The following CDH12 variants were observed in gnomAD, a reference collection of about 807,000 sequenced individuals.
CDH12 encodes the protein cadherin-12.
CDH12 carries 41 observed loss-of-function variants against 74.1 expected under a neutral mutation model. The ratio of observed to expected loss-of-function variants is 0.55; its 90% CI spans 0.43 to 0.72. CDH12 has a LOEUF of 0.72. CDH12 is among the 30% of genes least tolerant of loss of function. The pLI is 0.00. For missense variants in CDH12, 945 were observed against 977.2 expected (o/e 0.97, Z 0.44); for synonymous variants, 399 against 355.0 (o/e 1.12, Z -1.39).
At chr5:22,547,141 TA>T (rs1738368479) in intron 1 of CDH12, among the ~76,000 whole-genome samples, 1 of 152,248 alleles carries the variant, frequency 6.6e-6, no homozygotes, top group East Asian at 1.9e-4. Flanking sequence ...CTGTTGTAAT[TA>T]AAAATTTAAA....
At chr5:22,739,946 G>A (rs1167344886) in intron 1 of CDH12, among the ~76,000 whole-genome samples, 1 of 151,964 alleles carries the variant, frequency 6.6e-6, no homozygotes. Context: ...CTTGATGTAA[G>A]GCAGAATAAA....
rs70957079 is a variant in CDH12 at position 21,924,537 on chromosome 5, C to CATAA, written c.526+50550_526+50553dup. On this transcript the variant is annotated intron_variant, in intron 6 of 14. Transcript: ENST00000382254. ...ATCTCAATAAATAAATACATGAATA[C>CATAA]ATAAATAAATAAATAAATAAATAAA... Among the ~76,000 whole-genome samples, 875 of 151,186 alleles carry CATAA rather than the reference C, an allele frequency of 5.8e-3. 7 individuals are homozygous for CATAA. The highest frequency in any genetic ancestry group is 0.019 in the African/African-American group (773 of 41,234).
rs549244466 is a variant in CDH12, at chr5:22,008,251, A to T, written c.232-32866T>A. Among the ~76,000 whole-genome samples the T allele has an allele frequency of 1.6e-3, 248 of 151,548 alleles. 3 individuals are homozygous for T. Among genetic ancestry groups the T allele is most frequent in the Non-Finnish European group, 1.3e-3 (90 of 67,900 alleles). On this transcript the variant is annotated intron_variant, in intron 5 of 14. Coordinates refer to ENST00000382254, the MANE Select transcript of CDH12 (RefSeq NM_004061.5). Reference sequence around the variant, plus strand: ...CTATACAATTTTTTTTTTTTTTTAAATGGAGTCTCGCTCTGTCACCCAGGC... The same window carrying T: ...CTATACAATTTTTTTTTTTTTTTAATTGGAGTCTCGCTCTGTCACCCAGGC...
At chr5:22,370,827 G>A (rs909421248) in intron 3 of CDH12, among the ~76,000 whole-genome samples, 3 of 152,054 alleles carry the variant, frequency 2.0e-5, no homozygotes, top group African/African-American at 7.2e-5. Flanking sequence ...GACCTGTTCT[G>A]CCTTCAACAG....
At chr5:22,595,186 G>A (rs269890) in intron 1 of CDH12, among the ~76,000 whole-genome samples, 73,955 of 151,876 alleles carry the variant, frequency 0.49, 18,228 homozygotes, top group Admixed American at 0.57. Context: ...TTTATATGGT[G>A]TTGGTTCTCT....
At chr5:22,070,303 C>T (rs1369513426) in intron 5 of CDH12, among the ~76,000 whole-genome samples, 3 of 152,036 alleles carry the variant, frequency 2.0e-5, no homozygotes, top group Non-Finnish European at 2.9e-5. Flanking sequence ...AGAAGTATGA[C>T]CTTGTTATTA....
At chr5:22,663,573 A>G (rs1740455575) in intron 1 of CDH12, among the ~76,000 whole-genome samples, 1 of 152,224 alleles carries the variant, frequency 6.6e-6, no homozygotes, top group South Asian at 2.1e-4. Flanking sequence ...CTCTTTACAA[A>G]CAAAAGTACT....
At chr5:22,707,741 T>C (rs1252903314) in intron 1 of CDH12, among the ~76,000 whole-genome samples, 1 of 152,148 alleles carries the variant, frequency 6.6e-6, no homozygotes, top group Non-Finnish European at 1.5e-5. Flanking sequence ...CTTTCAAAAA[T>C]ACAAAATCAG....
intron 4 of CDH12, among the ~76,000 whole-genome samples, chr5:22,092,717 A>G (rs866740914): frequency 6.6e-5 from 10 of 152,252 alleles, no homozygotes; most frequent in Middle Eastern, 3.4e-3. Context: ...TATAGAGTTT[A>G]TGAGATGATC....
chr5:21,834,068 G>C (rs1422336263), intron 8 of CDH12, among the ~76,000 whole-genome samples: 2 of 151,888 alleles, frequency 1.3e-5, no homozygotes, highest in African/African-American at 4.8e-5. Flanking sequence ...CAAATGTGAT[G>C]ACTCTATTTC....
intron 1 of CDH12, among the ~76,000 whole-genome samples, chr5:22,833,692 T>C (rs894128589): frequency 3.3e-5 from 5 of 152,184 alleles, no homozygotes; most frequent in African/African-American, 1.2e-4. Flanking sequence ...ATATATTCTT[T>C]TCTTTTAGGA....
intron 2 of CDH12, among the ~76,000 whole-genome samples, chr5:22,485,716 A>G (rs1746564570): frequency 6.6e-6 from 1 of 152,208 alleles, no homozygotes; most frequent in Non-Finnish European, 1.5e-5. Flanking sequence ...TGGACTAACA[A>G]AACAGGTACA....
intron 2 of CDH12, among the ~76,000 whole-genome samples, chr5:22,454,729 C>T (rs1745195936): frequency 6.6e-6 from 1 of 152,246 alleles, no homozygotes; most frequent in African/African-American, 2.4e-5. Context: ...CCTAATCTAG[C>T]CTCCCAAAGT....
chr5:22,428,621 A>T (rs1401674874), intron 2 of CDH12, among the ~76,000 whole-genome samples: 2 of 152,152 alleles, frequency 1.3e-5, no homozygotes, highest in Non-Finnish European at 2.9e-5. Flanking sequence ...GTTTCCTGTT[A>T]GTTTGATTTT....
chr5:22,727,629 T>G (rs2126999076), intron 1 of CDH12, among the ~76,000 whole-genome samples: 1 of 151,864 alleles, frequency 6.6e-6, no homozygotes, highest in East Asian at 1.9e-4. Flanking sequence ...TATTTATTAG[T>G]GTGGCTTCAT....
rs528154174 is a variant in CDH12, at chr5:22,166,541, T to A, written c.-187+45957A>T. 2.6e-5 allele frequency among the ~76,000 whole-genome samples: 4 copies of A among 152,330 alleles called. No individual in the cohort carries two copies. The South Asian group carries it at 8.3e-4, about 32-fold the overall frequency. ...TGCTTCAAGTATTTTGCTAAAAAGA[T>A]TTTAAAAGTAGGTCAATTAGAATAA... On this transcript the variant is annotated intron_variant, in intron 4 of 14. Transcript: ENST00000382254.
intron 1 of CDH12, among the ~76,000 whole-genome samples, chr5:22,767,755 T>G (rs985859165): frequency 6.6e-6 from 1 of 151,984 alleles, no homozygotes; most frequent in Non-Finnish European, 1.5e-5. Context: ...ATATATTGTT[T>G]AAAAGCAGGG....
chr5:21,898,594 C>A lies in CDH12; in HGVS notation c.527-43804G>T, dbSNP rs186433034. On this transcript the variant is annotated intron_variant, in intron 6 of 14. Transcript: ENST00000382254. ...GCGGGCGCCTATAGTCCCAGCTACT[C>A]GGGAGGCTGAGGCAGGAGAATGGCG... Among the ~76,000 whole-genome samples the A allele has an allele frequency of 8.1e-4, 123 of 151,868 alleles. 2 individuals carry two copies. In the East Asian group the frequency reaches 0.021, roughly 26 times the overall value.
chr5:22,662,511 A>G (rs143114466), intron 1 of CDH12, among the ~76,000 whole-genome samples: 1 of 152,172 alleles, frequency 6.6e-6, no homozygotes, highest in Admixed American at 6.5e-5. Context: ...ATCAAAAGAA[A>G]CAGCAACAGA....
Sources: gnomAD v4.1 joint callset for allele counts (sites outside exome capture counted in the v4.1 genomes callset) on GRCh38, gnomAD v4.1.1 for gene constraint, MANE v1.5 for transcripts, NCBI Gene and HGNC (gene_info 2026-07-23, HGNC 2026-07-21) for gene names.